Variants in BRWD1 observed in about 807,000 individuals in gnomAD.
BRWD1 encodes the protein bromodomain and WD repeat-containing protein 1.
Under a neutral mutation model 251.2 loss-of-function variants are expected in BRWD1, and 82 were observed. The ratio of observed to expected loss-of-function variants is 0.33; its 90% CI spans 0.27 to 0.39. The LOEUF is 0.39. Ranked by LOEUF, BRWD1 falls within the 10% of genes least tolerant of loss-of-function variation. The probability of loss-of-function intolerance (pLI) is 1.00; values close to 1 mark genes in which losing one functional copy is unlikely to be tolerated. For missense variants in BRWD1, 2,233 were observed against 2,711.6 expected (o/e 0.82, Z 3.92); for synonymous variants, 918 against 902.8 (o/e 1.02, Z -0.30).
At chr21:39,313,972 G>C, upstream of BRWD1, 1 of 397,670 alleles carries the variant, frequency 2.5e-6, no homozygotes, top group South Asian at 1.7e-5. Flanking sequence ...GCCACAAGAG[G>C]GGGCGATTCA....
intron 4 of BRWD1, among the ~76,000 whole-genome samples, chr21:39,306,294 C>G (rs2036286421): frequency 6.6e-6 from 1 of 152,126 alleles, no homozygotes; most frequent in East Asian, 1.9e-4. Context: ...TGGTCTCGAT[C>G]TCTTGACCTT....
rs913882866 is a variant in BRWD1, at chr21:39,255,283, G to A, written c.2255+362C>T. ...AAAAATTAGCTGGGTGTGGTGGCGG[G>A]CGCCTGTAAGCCCAGCTACTCAGGA... is the stretch of plus-strand genomic sequence containing the variant. On this transcript the variant is annotated intron_variant, in intron 19 of 40. Coordinates refer to ENST00000342449, the MANE Select transcript of BRWD1 (RefSeq NM_033656.4). Among the ~76,000 whole-genome samples, 465 of 151,920 alleles carry A rather than the reference G, an allele frequency of 3.1e-3. 2 individuals carry two copies. Among genetic ancestry groups the A allele is most frequent in the African/African-American group, 0.011 (444 of 41,438 alleles).
chr21:39,189,303 A>G lies in BRWD1; in HGVS notation c.*6956T>C, dbSNP rs1249721272. ...ACAACCTATTCATCCAGACAAATAGATAAAATTCTATTTCAACTACAATTT... is the reference window on the plus strand; with the variant it reads ...ACAACCTATTCATCCAGACAAATAGGTAAAATTCTATTTCAACTACAATTT... On this transcript the variant is annotated 3_prime_UTR_variant, in exon 41 of 41. Transcript: ENST00000342449. 1 of 984,954 alleles carries G rather than the reference A, an allele frequency of 1.0e-6. No homozygotes were observed. Among genetic ancestry groups the G allele is most frequent in the Admixed American group, 6.1e-5 (1 of 16,272 alleles). The allele number at this position is 984,954 out of a possible 1,614,324, so 61.0% of individuals were successfully genotyped here. A position where few individuals can be genotyped will look rare whatever the true frequency, so the allele number is the denominator to read the frequency against.
chr21:39,194,566 A>G lies in BRWD1; in HGVS notation c.*1693T>C, dbSNP rs2031713607. On this transcript the variant is annotated 3_prime_UTR_variant, in exon 41 of 41. Coordinates refer to ENST00000342449, the MANE Select transcript of BRWD1 (RefSeq NM_033656.4). The stretch of plus-strand genomic sequence containing the variant: ...TGAGAGGAGGTTTCCCACCTATCTC[A>G]GTTGATAATGTCCAAAAACATCCTT... 6.9e-7 allele frequency: 1 copy of G among 1,458,682 alleles called. No individual in the cohort carries two copies. Among genetic ancestry groups the G allele is most frequent in the African/African-American group, 1.4e-5 (1 of 70,626 alleles). The allele number at this position is 1,458,682 out of a possible 1,614,324, so 90.4% of individuals were successfully genotyped here.
intron 36 of BRWD1, among the ~76,000 whole-genome samples, chr21:39,207,798 C>G (rs1010018704): frequency 5.9e-5 from 9 of 152,182 alleles, no homozygotes; most frequent in African/African-American, 1.7e-4. Context: ...TAACCACACA[C>G]TTTAATATTA....
At chr21:39,253,385 T>C (rs886903588) in intron 19 of BRWD1, among the ~76,000 whole-genome samples, 5 of 150,294 alleles carry the variant, frequency 3.3e-5, no homozygotes, top group African/African-American at 1.2e-4. Context: ...GTGGAACCAC[T>C]ATTCCAGCCT....
rs2031452150 is a variant in BRWD1 at position 39,189,827 on chromosome 21, G to GTA, written c.*6430_*6431dup. 5.1e-6 allele frequency: 5 copies of GTA among 985,242 alleles called. No homozygotes were observed. The highest frequency in any genetic ancestry group is 1.7e-5 in the African/African-American group (1 of 57,220). The allele number at this position is 985,242 out of a possible 1,614,324, so 61.0% of individuals were successfully genotyped here. ...TTAGAAGTCAAATTTGTGTGTTAGG[G>GTA]TACAAGCTTAAGAACTCTGGATGTT... On this transcript the variant is annotated 3_prime_UTR_variant, in exon 41 of 41. Coordinates refer to ENST00000342449, the MANE Select transcript of BRWD1 (RefSeq NM_033656.4).
At chr21:39,264,750 A>G (rs2034867261) in intron 16 of BRWD1, 65 bp from the exon 17 acceptor site, 2 of 1,490,234 alleles carry the variant, frequency 1.3e-6, no homozygotes, top group Non-Finnish European at 1.8e-6. Context: ...AACAAATATT[A>G]AACAGTTAAT....
At chr21:39,305,803 G>A (rs2036266978) in intron 4 of BRWD1, among the ~76,000 whole-genome samples, 1 of 150,826 alleles carries the variant, frequency 6.6e-6, no homozygotes, top group South Asian at 2.1e-4. Context: ...GGCGGAGGTT[G>A]CAGTGAGCCA....
At chr21:39,247,938 A>G in intron 20 of BRWD1, 106 bp from the exon 21 acceptor site, 1 of 1,282,724 alleles carries the variant, frequency 7.8e-7, no homozygotes, top group African/African-American at 1.5e-5. Context: ...AGCAAAAAGA[A>G]AAAAAGGCTT....
downstream of BRWD1, chr21:39,184,999 A>G (rs2031131798): frequency 1.3e-5 from 2 of 152,186 alleles, no homozygotes. Context: ...CTGCAAAGCA[A>G]ATTACTGTAA....
intron 29 of BRWD1, among the ~76,000 whole-genome samples, chr21:39,222,743 C>T (rs571690427): frequency 1.1e-3 from 162 of 152,210 alleles, no homozygotes; most frequent in African/African-American, 3.5e-3. Flanking sequence ...GAATTATCAA[C>T]GGATGCTACA....
chr21:39,190,804 G>C lies in BRWD1; in HGVS notation c.*5455C>G. 1.0e-6 allele frequency: 1 copy of C among 985,294 alleles called. No homozygotes were observed. The highest frequency in any genetic ancestry group is 1.7e-5 in the African/African-American group (1 of 57,320). 61.0% of individuals were successfully genotyped at this position (985,294 alleles called of 1,614,324 possible). ...GAGCTGGTAACACTGCAGTATGGCA[G>C]CATCAGGTCAAAAGACCATCAGAAA... On this transcript the variant is annotated 3_prime_UTR_variant, in exon 41 of 41. Transcript: ENST00000342449.
intron 40 of BRWD1, among the ~76,000 whole-genome samples, chr21:39,197,758 C>G (rs2031899702): frequency 6.6e-6 from 1 of 152,134 alleles, no homozygotes; most frequent in South Asian, 2.1e-4. Context: ...AGGCAGTTGT[C>G]ACACAATGGT....
rs958083066 is a variant in BRWD1 at position 39,295,661 on chromosome 21, G to C, written c.609+82C>G. The C allele has an allele frequency of 5.1e-6, 6 of 1,172,114 alleles. No individual in the cohort carries two copies. The African/African-American group carries it at 9.4e-5, about 18-fold the overall frequency. 72.6% of individuals were successfully genotyped at this position (1,172,114 alleles called of 1,614,324 possible). On this transcript the variant is annotated intron_variant, in intron 7 of 40. Transcript: ENST00000342449. The stretch of plus-strand genomic sequence containing the variant: ...TCAAAATCTCTGAGGATGGGAAACA[G>C]AAACTAAGATTTCCTAGATGATTCT...
At chr21:39,253,787 C>A (rs1469389610) in intron 19 of BRWD1, among the ~76,000 whole-genome samples, 1 of 152,172 alleles carries the variant, frequency 6.6e-6, no homozygotes, top group Non-Finnish European at 1.5e-5. Context: ...GTTATTATGA[C>A]ATACAAACAT....
chr21:39,196,029 T>C lies in BRWD1; in HGVS notation c.*230A>G. On this transcript the variant is annotated 3_prime_UTR_variant, in exon 41 of 41. Coordinates refer to ENST00000342449, the MANE Select transcript of BRWD1 (RefSeq NM_033656.4). ...TATATGTAGTCAAATACTGTCAAAA[T>C]AGATCTGCCCCCAAAATGAAGCATA... 2 of 1,249,792 alleles carry C rather than the reference T, an allele frequency of 1.6e-6. No individual in the cohort carries two copies. Among genetic ancestry groups the C allele is most frequent in the Non-Finnish European group, 1.0e-6 (1 of 996,820 alleles). The allele number at this position is 1,249,792 out of a possible 1,614,324, so 77.4% of individuals were successfully genotyped here. A position where few individuals can be genotyped will look rare whatever the true frequency, so the allele number is the denominator to read the frequency against.
chr21:39,241,459 TTCCATC>T (rs1329243001), intron 21 of BRWD1, among the ~76,000 whole-genome samples: 1 of 78,002 alleles, frequency 1.3e-5, no homozygotes, highest in Non-Finnish European at 2.3e-5. Context: ...CAGAGCAAGA[TTCCATC>T]TCCAAAGTAA....
intron 19 of BRWD1, among the ~76,000 whole-genome samples, chr21:39,254,060 A>C (rs2034483321): frequency 6.6e-6 from 1 of 152,186 alleles, no homozygotes; most frequent in Non-Finnish European, 1.5e-5. Context: ...TGAGGTCGGG[A>C]GTTCAAGACA....
Sources: gnomAD v4.1 joint callset for allele counts (sites outside exome capture counted in the v4.1 genomes callset) on GRCh38, gnomAD v4.1.1 for gene constraint, MANE v1.5 for transcripts, NCBI Gene and HGNC (gene_info 2026-07-23, HGNC 2026-07-21) for gene names.